Variants in ZNF675 observed in about 807,000 individuals in gnomAD.
The protein encoded by ZNF675 is TRAF6 inhibitory zinc finger.
A neutral mutation model predicts 56.1 loss-of-function variants in ZNF675; 36 were observed. That is an observed-to-expected ratio of 0.64 (90% confidence interval 0.49 to 0.85). The LOEUF (loss-of-function observed/expected upper bound fraction) is 0.85, where lower values mean the gene tolerates loss of function less well. ZNF675 is among the 40% of genes least tolerant of loss of function. The pLI is 0.00. For missense variants in ZNF675, 663 were observed against 654.2 expected, an observed-to-expected ratio of 1.01 and a Z score of -0.15; for synonymous variants, 200 against 218.9, an observed-to-expected ratio of 0.91 and a Z score of 0.76.
At chr19:23,656,713 T>C (rs1967989417) in intron 3 of ZNF675, 1 of 143,244 alleles carries the variant, frequency 7.0e-6, no homozygotes, top group Non-Finnish European at 1.5e-5. Flanking sequence ...TTTGAGAATA[T>C]TATATCACCT....
At chr19:23,685,147 T>A (rs951419366) in intron 1 of ZNF675, among the ~76,000 whole-genome samples, 27 of 152,146 alleles carry the variant, frequency 1.8e-4, no homozygotes, top group African/African-American at 6.5e-4. Flanking sequence ...TTGTATTTAG[T>A]AGAGATGGGG....
intron 1 of ZNF675, among the ~76,000 whole-genome samples, chr19:23,681,175 T>A (rs1968371363): frequency 6.6e-6 from 1 of 151,758 alleles, no homozygotes. Flanking sequence ...GAAAACAGAT[T>A]ACTGCTGCAG....
intron 1 of ZNF675, 84 bp from the exon 2 acceptor site, chr19:23,663,242 G>A (rs1708361230): frequency 6.7e-7 from 1 of 1,499,408 alleles, no homozygotes; most frequent in African/African-American, 1.4e-5. Flanking sequence ...AGAGACTAAA[G>A]AGAACAGGTT....
intron 1 of ZNF675, among the ~76,000 whole-genome samples, chr19:23,684,605 T>C (rs949507462): frequency 7.9e-5 from 12 of 151,198 alleles, no homozygotes; most frequent in Admixed American, 3.9e-4. Flanking sequence ...GATGGCACCA[T>C]TGAACTCCAG....
At chr19:23,680,781 T>A (rs1374096332) in intron 1 of ZNF675, among the ~76,000 whole-genome samples, 1 of 151,060 alleles carries the variant, frequency 6.6e-6, no homozygotes. Context: ...ATAATAATAA[T>A]AAGAGCTAAA....
chr19:23,653,737 T>C lies in ZNF675; in HGVS notation c.1196A>G (p.Lys399Arg), dbSNP rs1374811685. The change falls in exon 4 of 4, where the codon AAA becomes AGA. Residue 399 changes from lysine to arginine, a missense_variant. Physicochemically the swap from Lys to Arg is conservative, Grantham distance 26. Coordinates refer to ENST00000359788, the MANE Select transcript of ZNF675 (RefSeq NM_138330.3). ...GTGTTTAAAAGCTTTGCCACATTCTTTACATTTGTAGGGTTTCTCTTCGGT... is the reference window on the plus strand; with the variant it reads ...GTGTTTAAAAGCTTTGCCACATTCTCTACATTTGTAGGGTTTCTCTTCGGT... ...IHTEEKPYKC[K>R]ECGKAFKHSS... 1.2e-6 allele frequency: 2 copies of C among 1,613,792 alleles called. No individual in the cohort carries two copies. Among genetic ancestry groups the C allele is most frequent in the Non-Finnish European group, 1.7e-6 (2 of 1,179,970 alleles).
At chr19:23,684,787 G>C (rs62118347) in intron 1 of ZNF675, among the ~76,000 whole-genome samples, 5,001 of 152,198 alleles carry the variant, frequency 0.033, 161 homozygotes, top group South Asian at 0.14. Context: ...ACTGCCCCAA[G>C]TGCATTTTAC....
intron 1 of ZNF675, among the ~76,000 whole-genome samples, chr19:23,668,098 T>C (rs1968178205): frequency 6.8e-6 from 1 of 147,470 alleles, no homozygotes; most frequent in South Asian, 2.2e-4. Flanking sequence ...CCAGAGCAGC[T>C]AGATACAGTG....
rs66595848 is a variant in ZNF675 at position 23,674,971 on chromosome 19, C to CA, written c.4-11814dup. ...TGGGTGACAGAGCAAGACTCCATCT[C>CA]AAAAAAAAAAAAAAGAGAGAGAGAG... On this transcript the variant is annotated intron_variant, in intron 1 of 3. Transcript: ENST00000359788. Among the ~76,000 whole-genome samples, 862 of 142,432 alleles carry CA rather than the reference C, an allele frequency of 6.1e-3. 22 individuals are homozygous for CA. The highest frequency in any genetic ancestry group is 0.022 in the African/African-American group (830 of 37,442). 93.4% of individuals were successfully genotyped at this position (142,432 alleles called of 152,430 possible).
At chr19:23,669,481 T>G in intron 1 of ZNF675, among the ~76,000 whole-genome samples, 2 of 12,014 alleles carry the variant, frequency 1.7e-4, no homozygotes, top group Non-Finnish European at 7.7e-4. Context: ...AGGTGCACGG[T>G]GGTGGGGGGG....
At chr19:23,683,575 C>T (rs1968404939) in intron 1 of ZNF675, among the ~76,000 whole-genome samples, 1 of 152,074 alleles carries the variant, frequency 6.6e-6, no homozygotes. Context: ...GCACGTGCCA[C>T]CATGCCCGGC....
At chr19:23,654,867 AG>A (rs1967961768) in intron 3 of ZNF675, 161 bp from the exon 4 acceptor site, 57 of 312,044 alleles carry the variant, frequency 1.8e-4, no homozygotes, top group Non-Finnish European at 2.2e-4. Context: ...AGAGCCACAT[AG>A]AAAAAAAAAA....
chr19:23,679,610 T>C (rs1488551778), intron 1 of ZNF675, among the ~76,000 whole-genome samples: 2 of 151,266 alleles, frequency 1.3e-5, no homozygotes, highest in Non-Finnish European at 2.9e-5. Flanking sequence ...ATTTGCAAAC[T>C]ATGCTTTTGA....
chr19:23,670,107 T>G (rs148735842), intron 1 of ZNF675, among the ~76,000 whole-genome samples: 4 of 152,304 alleles, frequency 2.6e-5, no homozygotes, highest in African/African-American at 9.6e-5. Context: ...TAGACCACTA[T>G]GAGCAACTCT....
At position 23,654,563 on chromosome 19, in the gene ZNF675, A is replaced by C. The variant is rs4380159; in HGVS notation, c.370T>G (p.Leu124Val). The stretch of plus-strand genomic sequence containing the variant: ...AGTCCATTATAACCTCCCTTGTGCA[A>C]CTTACATTCATCCACACTTTTACAG... ...KGCKSVDECK[L>V]HKGGYNGLNQ... Residue 124 changes from leucine to valine, a missense_variant, in exon 4 of 4, where the codon TTG (leucine) becomes GTG (valine). Transcript: ENST00000359788. 1,603,764 of 1,612,830 alleles carry C rather than the reference A, an allele frequency of 0.99. 797,832 individuals are homozygous for C. The highest frequency in any genetic ancestry group is 1 in the East Asian group (44,824 of 44,824).
At chr19:23,660,986 G>A (rs1326643363) in intron 3 of ZNF675, among the ~76,000 whole-genome samples, 4 of 148,418 alleles carry the variant, frequency 2.7e-5, no homozygotes, top group Non-Finnish European at 5.9e-5. Flanking sequence ...CTGGAGTGCA[G>A]TGGCACAAAC....
rs748152894 is a variant in ZNF675, at chr19:23,654,450, T to A, written c.483A>T (p.Arg161Ser). 6.2e-7 allele frequency: 1 copy of A among 1,604,784 alleles called. No individual in the cohort carries two copies. Among genetic ancestry groups the A allele is most frequent in the Non-Finnish European group, 8.5e-7 (1 of 1,176,542 alleles). The change falls in exon 4 of 4, where the codon AGA becomes AGT. Residue 161 changes from arginine to serine, a missense_variant. This residue lies in a region of ZNF675 where 617 missense variants were observed against 590.5 expected (regional missense o/e 1.04). Coordinates refer to ENST00000359788, the MANE Select transcript of ZNF675 (RefSeq NM_138330.3). Reference protein sequence around the residue: ...KVFNKFSHSDRHKIKHMENKP... With the variant: ...KVFNKFSHSDSHKIKHMENKP... ...TATTTTCCATATGTTTTATCTTATG[T>A]CTATCTGAATGTGAAAATTTATTAA...
chr19:23,681,433 C>T (rs1568296495), intron 1 of ZNF675, among the ~76,000 whole-genome samples: 1 of 151,514 alleles, frequency 6.6e-6, no homozygotes, highest in Non-Finnish European at 1.5e-5. Flanking sequence ...TCCTCCCTCA[C>T]CCTTGGAGGA....
At chr19:23,659,158 CTAAATTTA>C (rs1312912549) in intron 3 of ZNF675, among the ~76,000 whole-genome samples, 20 of 151,698 alleles carry the variant, frequency 1.3e-4, no homozygotes, top group Non-Finnish European at 2.7e-4. Context: ...TACATCAAGC[CTAAATTTA>C]TAAGTAACAG....
Sources: allele counts gnomAD v4.1 joint callset (sites outside exome capture counted in the v4.1 genomes callset), GRCh38; gene constraint gnomAD v4.1.1; regional missense constraint gnomAD v4.1.1; transcripts MANE v1.5; gene names NCBI Gene and HGNC (gene_info 2026-07-23, HGNC 2026-07-21).